The following GATAD1 variants were observed in gnomAD, a reference collection of about 807,000 sequenced individuals.
The protein encoded by GATAD1 is GATA zinc finger domain-containing protein 1.
Under a neutral mutation model 26.5 loss-of-function variants are expected in GATAD1, and 12 were observed. The ratio of observed to expected loss-of-function variants is 0.45; its 90% confidence interval spans 0.29 to 0.73. The LOEUF (loss-of-function observed/expected upper bound fraction) is 0.73, where lower values mean the gene tolerates loss of function less well. Among genes scored for constraint, GATAD1 ranks in the 30% least tolerant of loss-of-function variants. The pLI, the probability that GATAD1 is intolerant of heterozygous loss-of-function variation, is 0.10. For synonymous variants in GATAD1, 129 were observed against 133.1 expected (o/e 0.97, Z 0.21); for missense variants, 266 against 342.1 (o/e 0.78, Z 1.75).
At chr7:92,449,228 C>CT (rs902031792) in intron 2 of GATAD1, 4,144 of 839,548 alleles carry the variant, frequency 4.9e-3, no homozygotes, top group Non-Finnish European at 5.4e-3. Flanking sequence ...ACTAAGAAAA[C>CT]TTTTTTTTTT....
chr7:92,484,108 G>A, the GATAD1 span, among the ~76,000 whole-genome samples: 3 of 152,284 alleles, frequency 2.0e-5, no homozygotes, highest in African/African-American at 7.2e-5. Flanking sequence ...GATCTTGTAG[G>A]ATGGAGAAAT....
At chr7:92,468,113 G>A in the GATAD1 span, among the ~76,000 whole-genome samples, 1 of 152,186 alleles carries the variant, frequency 6.6e-6, no homozygotes, top group Non-Finnish European at 1.5e-5. Context: ...TAGAAGCTGT[G>A]GGTCACAGAA....
At chr7:92,455,557 C>T (rs1039634211) in intron 4 of GATAD1, among the ~76,000 whole-genome samples, 1 of 152,058 alleles carries the variant, frequency 6.6e-6, no homozygotes. Context: ...GATAGACTCA[C>T]AAGAATTTAC....
chr7:92,449,795 T>A (rs1417199810), intron 2 of GATAD1: 1 of 166,210 alleles, frequency 6.0e-6, no homozygotes, highest in Non-Finnish European at 1.2e-5. Context: ...TTGCTGCACC[T>A]ATCAACCCAT....
At chr7:92,482,931 G>A in the GATAD1 span, among the ~76,000 whole-genome samples, 6 of 152,210 alleles carry the variant, frequency 3.9e-5, no homozygotes, top group African/African-American at 1.2e-4. Flanking sequence ...GTGATGTGGA[G>A]TGGGTAGCCC....
At chr7:92,478,278 T>G in the GATAD1 span, among the ~76,000 whole-genome samples, 1 of 152,250 alleles carries the variant, frequency 6.6e-6, no homozygotes, top group Non-Finnish European at 1.5e-5. Context: ...CTATGTTCAC[T>G]GTCCAGAACT....
At chr7:92,449,073 T>C (rs747774856) in intron 2 of GATAD1, 196 bp downstream of exon 2, 38 of 1,051,462 alleles carry the variant, frequency 3.6e-5, no homozygotes, top group Non-Finnish European at 4.6e-5. Flanking sequence ...AATAATACTC[T>C]TTCCTTTTTG....
chr7:92,447,772 A>G lies in GATAD1; in HGVS notation c.43A>G (p.Thr15Ala). 1 of 1,498,824 alleles carries G rather than the reference A, an allele frequency of 6.7e-7. No individual in the cohort carries two copies. The highest frequency in any genetic ancestry group is 8.9e-7 in the Non-Finnish European group (1 of 1,123,546). 92.8% of individuals were successfully genotyped at this position (1,498,824 alleles called of 1,614,324 possible). A position where few individuals can be genotyped will look rare whatever the true frequency, so the allele number is the denominator to read the frequency against. Residue 15 changes from threonine to alanine, a missense_variant, in exon 1 of 5, where the codon ACG (threonine) becomes GCG (alanine). By Grantham distance (58) the Thr-to-Ala change is moderately conservative. Coordinates refer to ENST00000287957, the MANE Select transcript of GATAD1 (RefSeq NM_021167.5). ...LKPTCSVCKT[T>A]SSSMWKKGAQ... is the part of the protein sequence containing the mutation. ...GCCCACCTGCAGCGTATGCAAGACCACGTCGTCCTCCATGTGGAAGAAGGG... is the reference window on the plus strand; with the variant it reads ...GCCCACCTGCAGCGTATGCAAGACCGCGTCGTCCTCCATGTGGAAGAAGGG...
At chr7:92,477,027 G>T in the GATAD1 span, among the ~76,000 whole-genome samples, 1 of 152,182 alleles carries the variant, frequency 6.6e-6, no homozygotes, top group African/African-American at 2.4e-5. Context: ...CAGGAGGTAT[G>T]GGTCAGAAGG....
At chr7:92,476,267 C>T in the GATAD1 span, among the ~76,000 whole-genome samples, 1 of 152,112 alleles carries the variant, frequency 6.6e-6, no homozygotes, top group African/African-American at 2.4e-5. Context: ...TAGAATAATT[C>T]TGAACAGGTG....
downstream of GATAD1, chr7:92,463,044 G>A (rs1789979297): frequency 1.3e-5 from 2 of 152,192 alleles, no homozygotes; most frequent in Non-Finnish European, 2.9e-5. Flanking sequence ...CGTGCAGTGG[G>A]ATATTATTCA....
At chr7:92,449,364 CAA>C (rs1789319196) in intron 2 of GATAD1, 1 of 973,812 alleles carries the variant, frequency 1.0e-6, no homozygotes, top group South Asian at 4.7e-5. Flanking sequence ...GAATATGAGT[CAA>C]AAATTTTGCT....
At chr7:92,485,664 T>TC in the GATAD1 span, among the ~76,000 whole-genome samples, 1 of 152,226 alleles carries the variant, frequency 6.6e-6, no homozygotes, top group Non-Finnish European at 1.5e-5. Flanking sequence ...CACTGTGACT[T>TC]CCCATCAGAG....
Position 92,447,671 on chromosome 7 carries a change from G to A in GATAD1, c.-59G>A. 7.3e-7 allele frequency: 1 copy of A among 1,364,480 alleles called. No homozygotes were observed. The highest frequency in any genetic ancestry group is 9.5e-7 in the Non-Finnish European group (1 of 1,057,716). The allele number at this position is 1,364,480 out of a possible 1,614,324, so 84.5% of individuals were successfully genotyped here. ...TGGCGGGCCGACCAGGGGGCGGCCGGGCTACCGTCCGCCATTCCCGTGTCT... is the reference window on the plus strand; with the variant it reads ...TGGCGGGCCGACCAGGGGGCGGCCGAGCTACCGTCCGCCATTCCCGTGTCT... On this transcript the variant is annotated 5_prime_UTR_variant, in exon 1 of 5. Transcript: ENST00000287957.
At chr7:92,454,429 C>T in intron 3 of GATAD1, 73 bp from the exon 4 acceptor site, 4 of 1,132,792 alleles carry the variant, frequency 3.5e-6, no homozygotes, top group South Asian at 2.5e-5. Context: ...ACTTGCTTAC[C>T]TATTAAGGTT....
rs373096190 is a variant in GATAD1 at position 92,456,450 on chromosome 7, G to A, written c.698G>A (p.Arg233Gln). Residue 233 changes from arginine (R) to glutamine (Q), a missense_variant, in exon 5 of 5, where the codon CGG becomes CAG. Transcript: ENST00000287957. Reference sequence around the variant, plus strand: ...GCACCTTCTGAGTATTTCAAGTCACGGTCATCACCATTTCCCACAGTTCCC... The same window carrying A: ...GCACCTTCTGAGTATTTCAAGTCACAGTCATCACCATTTCCCACAGTTCCC... ...CHAPSEYFKS[R>Q]SSPFPTVPTR... The A allele has an allele frequency of 2.5e-5, 41 of 1,611,976 alleles. No individual in the cohort carries two copies. Among genetic ancestry groups the A allele is most frequent in the Admixed American group, 5.0e-5 (3 of 60,000 alleles).
At chr7:92,473,885 G>A in the GATAD1 span, among the ~76,000 whole-genome samples, 1 of 152,136 alleles carries the variant, frequency 6.6e-6, no homozygotes, top group Non-Finnish European at 1.5e-5. Flanking sequence ...GGCACCCTCA[G>A]TCCTGCTGCT....
At chr7:92,461,563 TC>T (rs1340779704), downstream of GATAD1, among the ~76,000 whole-genome samples, 2 of 152,256 alleles carry the variant, frequency 1.3e-5, no homozygotes, top group African/African-American at 4.8e-5. Flanking sequence ...TATTTGGCCA[TC>T]TTTTTGCTAT....
At position 92,459,660 on chromosome 7, in the gene GATAD1, G is replaced by A. The variant is rs1789843341; in HGVS notation, c.*3098G>A. On this transcript the variant is annotated 3_prime_UTR_variant, in exon 5 of 5. Transcript: ENST00000287957. Reference sequence around the variant, plus strand: ...CTTTGAGAACTTTCCAGATTCCCATGCCTTTTTGGAATCAATCTCTATCCT... The same window carrying A: ...CTTTGAGAACTTTCCAGATTCCCATACCTTTTTGGAATCAATCTCTATCCT... 6.6e-6 allele frequency among the ~76,000 whole-genome samples: 1 copy of A among 152,160 alleles called. No individual in the cohort carries two copies. The highest frequency in any genetic ancestry group is 1.5e-5 in the Non-Finnish European group (1 of 68,022).
Sources: allele counts gnomAD v4.1 joint callset (sites outside exome capture counted in the v4.1 genomes callset), GRCh38; gene constraint gnomAD v4.1.1; transcripts MANE v1.5; gene names NCBI Gene and HGNC (gene_info 2026-07-23, HGNC 2026-07-21).